NCOA3: variants seen among roughly 807,000 people sequenced by gnomAD.
The protein encoded by NCOA3 is nuclear receptor coactivator 3.
In NCOA3, 51 loss-of-function variants were observed where a neutral mutation model predicts 158.8. The observed-to-expected ratio is 0.32, with a 90% CI of 0.26 to 0.41. The LOEUF (loss-of-function observed/expected upper bound fraction) is 0.41. Ranked by LOEUF, NCOA3 falls within the 10% of genes least tolerant of loss-of-function variation. The pLI is 1.00. For missense variants in NCOA3, 1,510 were observed against 1,746.6 expected (o/e 0.86, Z 2.41); for synonymous variants, 537 against 592.4 (o/e 0.91, Z 1.36).
chr20:47,633,771 C>A, intron 9 of NCOA3, 135 bp downstream of exon 9: 1 of 980,214 alleles, frequency 1.0e-6, no homozygotes, highest in Non-Finnish European at 1.5e-6. Context: ...GCCAAGACTG[C>A]AGGTGCACAC....
At chr20:47,504,514 G>C (rs1439113400) in intron 1 of NCOA3, among the ~76,000 whole-genome samples, 1 of 90,188 alleles carries the variant, frequency 1.1e-5, no homozygotes. Flanking sequence ...AACGAATTCA[G>C]TTCTTTCTGC....
In NCOA3 at chr20:47,652,395, A is replaced by G. The variant is rs754111385; in HGVS notation, c.3947-11A>G. 1.9e-6 allele frequency: 3 copies of G among 1,580,564 alleles called. No homozygotes were observed. The highest frequency in any genetic ancestry group is 2.2e-5 in the South Asian group (2 of 89,572). On this transcript the variant is annotated splice_polypyrimidine_tract_variant and intron_variant, in intron 20 of 22. Coordinates refer to ENST00000371998, the MANE Select transcript of NCOA3 (RefSeq NM_181659.3). Reference sequence around the variant, plus strand: ...TGGGCATTTTTATTTCTTCTGTTTTATTTTTGTAAGGAATGGGACAACAAC... The same window carrying G: ...TGGGCATTTTTATTTCTTCTGTTTTGTTTTTGTAAGGAATGGGACAACAAC...
chr20:47,624,909 A>G (rs1320508188), intron 4 of NCOA3, among the ~76,000 whole-genome samples: 1 of 152,070 alleles, frequency 6.6e-6, no homozygotes, highest in Non-Finnish European at 1.5e-5. Context: ...AGTAGCTAGG[A>G]TTACAGGCAC....
At chr20:47,544,718 A>G (rs1020937631) in intron 1 of NCOA3, among the ~76,000 whole-genome samples, 1 of 151,742 alleles carries the variant, frequency 6.6e-6, no homozygotes, top group Non-Finnish European at 1.5e-5. Flanking sequence ...TTTTTTTTCC[A>G]GTTTTTATCT....
intron 2 of NCOA3, among the ~76,000 whole-genome samples, chr20:47,598,232 G>T (rs1428711532): frequency 7.4e-6 from 1 of 135,924 alleles, no homozygotes; most frequent in Non-Finnish European, 1.6e-5. Flanking sequence ...GGGCGATAGG[G>T]CGAGACTCTG....
At chr20:47,530,904 G>A (rs1000118025) in intron 1 of NCOA3, among the ~76,000 whole-genome samples, 2 of 152,194 alleles carry the variant, frequency 1.3e-5, no homozygotes, top group East Asian at 3.8e-4. Flanking sequence ...TTCTAATGAT[G>A]TAAGTCCAGG....
At position 47,625,232 on chromosome 20, in the gene NCOA3, G is replaced by A. The variant is rs1602504237; in HGVS notation, c.257-149G>A. 4 of 592,076 alleles carry A rather than the reference G, an allele frequency of 6.8e-6. No individual in the cohort carries two copies. In the East Asian group the frequency reaches 1.1e-4, roughly 17 times the overall value. The allele number at this position is 592,076 out of a possible 1,614,324, so 36.7% of individuals were successfully genotyped here. A position where few individuals can be genotyped will look rare whatever the true frequency, so the allele number is the denominator to read the frequency against. ...AGTTTAGTTTTGATGTTATAATATT[G>A]TAGCATCATTCTCTTATGAGGAAAT... On this transcript the variant is annotated intron_variant, in intron 4 of 22. Transcript: ENST00000371998.
At chr20:47,653,193 A>G (rs1457014715) in intron 22 of NCOA3, 121 bp downstream of exon 22, 3 of 1,301,128 alleles carry the variant, frequency 2.3e-6, no homozygotes, top group Non-Finnish European at 1.0e-6. Context: ...AACTTAAAAT[A>G]TAGTAATTGA....
At chr20:47,567,250 G>A (rs2085211684) in intron 1 of NCOA3, among the ~76,000 whole-genome samples, 1 of 152,014 alleles carries the variant, frequency 6.6e-6, no homozygotes, top group South Asian at 2.1e-4. Context: ...GTTTCGCCAT[G>A]TTGGTCAGGA....
intron 1 of NCOA3, among the ~76,000 whole-genome samples, chr20:47,561,713 G>A (rs993984187): frequency 6.6e-6 from 1 of 152,076 alleles, no homozygotes; most frequent in African/African-American, 2.4e-5. Context: ...TCCATTATCA[G>A]CAACTCCCTG....
chr20:47,578,496 T>A (rs566967770), intron 1 of NCOA3, among the ~76,000 whole-genome samples: 2 of 152,360 alleles, frequency 1.3e-5, no homozygotes, highest in African/African-American at 4.8e-5. Flanking sequence ...CCATTTTATA[T>A]AACTTGAAAT....
At chr20:47,646,949 CA>C in intron 17 of NCOA3, 123 bp from the exon 18 acceptor site, 1 of 778,026 alleles carries the variant, frequency 1.3e-6, no homozygotes, top group Non-Finnish European at 2.1e-6. Context: ...ATGCCTGGCA[CA>C]TAACAAGCAT....
rs33989951 is a variant in NCOA3, at chr20:47,588,131, C to CTTTTT, written c.-20+4893_-20+4897dup. Among the ~76,000 whole-genome samples, 56 of 78,562 alleles carry CTTTTT rather than the reference C, an allele frequency of 7.1e-4. 1 individual carries two copies. The highest frequency in any genetic ancestry group is 1.8e-3 in the African/African-American group (37 of 20,872). The allele number at this position is 78,562 out of a possible 152,430, so 51.5% of individuals were successfully genotyped here. A position where few individuals can be genotyped will look rare whatever the true frequency, so the allele number is the denominator to read the frequency against. Reference sequence around the variant, plus strand: ...CCCTCCATACCCTTTCTCCACCCCACTTTTTTTTTTTTTTTTTTTTTTTTT... The same window carrying CTTTTT: ...CCCTCCATACCCTTTCTCCACCCCACTTTTTTTTTTTTTTTTTTTTTTTTTTTTTT... On this transcript the variant is annotated intron_variant, in intron 2 of 22. Transcript: ENST00000371998.
At chr20:47,611,800 A>G (rs1460971606) in intron 2 of NCOA3, among the ~76,000 whole-genome samples, 2 of 151,752 alleles carry the variant, frequency 1.3e-5, no homozygotes, top group African/African-American at 4.8e-5. Context: ...TCAAAAACAA[A>G]ACAAAACAAA....
At chr20:47,513,067 A>C (rs979395646) in intron 1 of NCOA3, among the ~76,000 whole-genome samples, 5 of 152,078 alleles carry the variant, frequency 3.3e-5, no homozygotes, top group African/African-American at 9.7e-5. Flanking sequence ...CTGAGGCATG[A>C]GAATAGCTGA....
In NCOA3 at chr20:47,520,413, C is replaced by T. The variant is rs370219375; in HGVS notation, c.-99+18394C>T. Among the ~76,000 whole-genome samples, 5 of 152,294 alleles carry T rather than the reference C, an allele frequency of 3.3e-5. No individual in the cohort carries two copies. The East Asian group carries it at 9.7e-4, about 29-fold the overall frequency. The stretch of plus-strand genomic sequence containing the variant: ...TGTTCTCCCCTCTCCTTGCCCTTCC[C>T]CTAGGGGAGGAACCGGCAGGAGTGG... On this transcript the variant is annotated intron_variant, in intron 1 of 22. Coordinates refer to ENST00000371998, the MANE Select transcript of NCOA3 (RefSeq NM_181659.3).
chr20:47,636,632 A>T lies in NCOA3; in HGVS notation c.2246A>T (p.Asp749Val), dbSNP rs199587528. 112 of 1,614,220 alleles carry T rather than the reference A, an allele frequency of 6.9e-5. No individual in the cohort carries two copies. The South Asian group carries it at 1.2e-3, about 17-fold the overall frequency. Reference protein sequence around the residue: ...RYLLDRDDPSDALSKELQPQV... With the variant: ...RYLLDRDDPSVALSKELQPQV... ...CTGCTGGACAGGGATGATCCTAGTG[A>T]TGCACTCTCTAAAGAACTACAGCCC... The change falls in exon 12 of 23, where the codon GAT becomes GTT. Residue 749 changes from aspartate to valine, a missense_variant. Physicochemically the swap from Asp to Val is radical, Grantham distance 152. Around this residue, in one of 4 missense-constraint regions of NCOA3, gnomAD observed 1,017 missense variants for 1,098.3 expected, o/e 0.93. Coordinates refer to ENST00000371998, the MANE Select transcript of NCOA3 (RefSeq NM_181659.3).
intron 2 of NCOA3, among the ~76,000 whole-genome samples, chr20:47,618,356 T>G (rs1156461862): frequency 7.9e-5 from 11 of 138,986 alleles, no homozygotes; most frequent in Non-Finnish European, 1.6e-5. Flanking sequence ...TAGTTTTTTT[T>G]TTTTTTTTTT....
intron 1 of NCOA3, among the ~76,000 whole-genome samples, chr20:47,542,842 G>T (rs574735652): frequency 6.6e-6 from 1 of 152,144 alleles, no homozygotes; most frequent in Admixed American, 6.5e-5. Flanking sequence ...CATACCTGTT[G>T]TCCCAGCTAC....
Sources: allele counts gnomAD v4.1 joint callset (sites outside exome capture counted in the v4.1 genomes callset), GRCh38; gene constraint gnomAD v4.1.1; regional missense constraint gnomAD v4.1.1; transcripts MANE v1.5; gene names NCBI Gene and HGNC (gene_info 2026-07-23, HGNC 2026-07-21).